TRPM3: variants seen among roughly 807,000 people sequenced by gnomAD.
TRPM3 encodes long transient receptor potential channel 3.
Under a neutral mutation model 181.2 loss-of-function variants are expected in TRPM3, and 77 were observed. The ratio of observed to expected loss-of-function variants is 0.42; its 90% CI spans 0.35 to 0.51. The LOEUF is 0.51. Among genes scored for constraint, TRPM3 ranks in the 20% least tolerant of loss-of-function variants. The pLI, the probability that TRPM3 is intolerant of heterozygous loss-of-function variation, is 0.01. For synonymous variants in TRPM3, 745 were observed against 796.4 expected, an observed-to-expected ratio of 0.94 and a Z score of 1.09; for missense variants, 1,759 against 2,196.7, an observed-to-expected ratio of 0.80 and a Z score of 3.98.
At chr9:71,439,637 AC>A (rs2094105237) in intron 1 of TRPM3, among the ~76,000 whole-genome samples, 1 of 152,212 alleles carries the variant, frequency 6.6e-6, no homozygotes, top group Non-Finnish European at 1.5e-5. Context: ...TGGGATCCAG[AC>A]AATCAAGGAA....
chr9:71,413,657 C>T (rs1248839995), intron 1 of TRPM3, among the ~76,000 whole-genome samples: 1 of 152,200 alleles, frequency 6.6e-6, no homozygotes, highest in Admixed American at 6.5e-5. Flanking sequence ...GAGCTCCACC[C>T]TCACTAATGG....
At chr9:71,106,866 G>A (rs1310223404) in intron 1 of TRPM3, among the ~76,000 whole-genome samples, 1 of 152,012 alleles carries the variant, frequency 6.6e-6, no homozygotes, top group Non-Finnish European at 1.5e-5. Flanking sequence ...TTTGCCAGGG[G>A]GTACAAAAAA....
intron 1 of TRPM3, among the ~76,000 whole-genome samples, chr9:71,236,072 C>G (rs1188552672): frequency 6.6e-6 from 1 of 152,134 alleles, no homozygotes; most frequent in African/African-American, 2.4e-5. Context: ...TATGGTCTAC[C>G]AATGTCATAT....
intron 1 of TRPM3, among the ~76,000 whole-genome samples, chr9:71,376,502 C>T (rs1160563255): frequency 6.6e-6 from 1 of 151,972 alleles, no homozygotes; most frequent in Non-Finnish European, 1.5e-5. Context: ...GCCTTAATAT[C>T]TTTCTTTCCT....
intron 11 of TRPM3, among the ~76,000 whole-genome samples, chr9:70,638,556 A>G (rs1050380019): frequency 6.6e-6 from 1 of 151,864 alleles, no homozygotes; most frequent in African/African-American, 2.4e-5. Context: ...CTAAGCTAAA[A>G]AACAAAACAA....
intron 1 of TRPM3, among the ~76,000 whole-genome samples, chr9:71,140,605 C>T (rs1435512676): frequency 6.6e-6 from 1 of 152,160 alleles, no homozygotes; most frequent in Non-Finnish European, 1.5e-5. Flanking sequence ...AGGCATATAA[C>T]TTTCCTCAAT....
chr9:70,610,473 A>G (rs1564545720), intron 19 of TRPM3, 136 bp downstream of exon 19: 1 of 1,129,288 alleles, frequency 8.9e-7, no homozygotes, highest in Non-Finnish European at 1.3e-6. Context: ...AGAGCTATTG[A>G]AAAAGCAAGG....
intron 4 of TRPM3, among the ~76,000 whole-genome samples, chr9:70,845,397 G>A (rs1259050171): frequency 1.3e-5 from 2 of 151,880 alleles, no homozygotes; most frequent in Admixed American, 6.6e-5. Flanking sequence ...CTGCCACCAC[G>A]CCGGGCTAAT....
chr9:71,043,590 G>A (rs1376457739), intron 1 of TRPM3, among the ~76,000 whole-genome samples: 1 of 152,152 alleles, frequency 6.6e-6, no homozygotes, highest in Non-Finnish European at 1.5e-5. Context: ...TGATTATCAT[G>A]TATTCCTATA....
At chr9:70,647,784 A>G (rs532388736) in intron 9 of TRPM3, among the ~76,000 whole-genome samples, 14 of 152,210 alleles carry the variant, frequency 9.2e-5, no homozygotes, top group African/African-American at 3.1e-4. Flanking sequence ...GATTCTATAC[A>G]TAGAAAATCC....
At chr9:70,871,837 T>G (rs1043633377) in intron 1 of TRPM3, among the ~76,000 whole-genome samples, 2 of 151,988 alleles carry the variant, frequency 1.3e-5, no homozygotes, top group Non-Finnish European at 2.9e-5. Context: ...ACTCTTTTCT[T>G]TATGCAATGG....
intron 9 of TRPM3, among the ~76,000 whole-genome samples, chr9:70,673,734 G>A (rs533398523): frequency 8.6e-5 from 13 of 151,904 alleles, no homozygotes; most frequent in African/African-American, 2.7e-4. Flanking sequence ...CAAGACCAGC[G>A]TGGCCAACAT....
intron 1 of TRPM3, among the ~76,000 whole-genome samples, chr9:70,912,932 A>C (rs1188935218): frequency 6.6e-6 from 1 of 152,218 alleles, no homozygotes; most frequent in Non-Finnish European, 1.5e-5. Flanking sequence ...CTATAATGAT[A>C]ATGTACATTT....
At chr9:70,813,841 G>T (rs533678650) in intron 6 of TRPM3, among the ~76,000 whole-genome samples, 2 of 152,220 alleles carry the variant, frequency 1.3e-5, no homozygotes, top group South Asian at 4.2e-4. Context: ...AGTAATAAAG[G>T]TATCCCCTTA....
chr9:70,920,145 G>C (rs2096640548), intron 1 of TRPM3, among the ~76,000 whole-genome samples: 1 of 152,190 alleles, frequency 6.6e-6, no homozygotes. Context: ...CTAAGGACCA[G>C]TCTTTTTTTA....
At chr9:70,576,501 CCTT>C (rs1339901220) in intron 22 of TRPM3, among the ~76,000 whole-genome samples, 24 of 145,492 alleles carry the variant, frequency 1.6e-4, no homozygotes, top group African/African-American at 3.5e-4. Context: ...TCCTCCTCCT[CCTT>C]CTTCTTTTTT....
intron 1 of TRPM3, among the ~76,000 whole-genome samples, chr9:71,269,048 C>T (rs959722945): frequency 6.6e-6 from 1 of 152,006 alleles, no homozygotes; most frequent in East Asian, 1.9e-4. Flanking sequence ...TACACGGGGG[C>T]GGGCAGAGGT....
intron 1 of TRPM3, chr9:70,917,296 G>A: frequency 5.8e-6 from 8 of 1,371,974 alleles, no homozygotes; most frequent in South Asian, 3.5e-5. Flanking sequence ...AGCGAAAGTG[G>A]TATATTATTA....
chr9:71,341,731 A>C (rs1429504415), intron 1 of TRPM3, among the ~76,000 whole-genome samples: 1 of 152,094 alleles, frequency 6.6e-6, no homozygotes, highest in Admixed American at 6.6e-5. Context: ...AATTCAGTTA[A>C]TAGTACATAC....
Sources: gnomAD v4.1 joint callset for allele counts (sites outside exome capture counted in the v4.1 genomes callset) on GRCh38, gnomAD v4.1.1 for gene constraint, MANE v1.5 for transcripts, NCBI Gene and HGNC (gene_info 2026-07-23, HGNC 2026-07-21) for gene names.